The following BLM variants were observed in gnomAD, a reference collection of about 807,000 sequenced individuals.
The protein encoded by BLM is BLM RecQ like helicase, also known as recQ-like DNA helicase BLM.
Under a neutral mutation model 135.3 loss-of-function variants are expected in BLM, and 95 were observed. The ratio of observed to expected loss-of-function variants is 0.70; its 90% CI spans 0.59 to 0.83. The LOEUF is 0.83. Among genes scored for constraint, BLM ranks in the 40% least tolerant of loss-of-function variants. BLM has a pLI of 0.00. For synonymous variants in BLM, 520 were observed against 589.2 expected, an observed-to-expected ratio of 0.88 and a Z score of 1.70; for missense variants, 1,518 against 1,663.9, an observed-to-expected ratio of 0.91 and a Z score of 1.53.
intron 1 of BLM, among the ~76,000 whole-genome samples, chr15:90,721,994 G>A (rs1481116804): frequency 6.7e-6 from 1 of 149,644 alleles, no homozygotes; most frequent in African/African-American, 2.5e-5. Context: ...ACATAATTTC[G>A]CTGGAAACCA....
intron 14 of BLM, among the ~76,000 whole-genome samples, chr15:90,788,699 A>C (rs541013428): frequency 6.6e-6 from 1 of 152,062 alleles, no homozygotes; most frequent in Non-Finnish European, 1.5e-5. Flanking sequence ...AGGGCCAGGC[A>C]TGGTGGTTCA....
rs528659854 is a variant in BLM, at chr15:90,786,309, A to G, written c.2823+1228A>G. ...GATGTGTTTCTACTTCTTGGCTACTATGAATAATGGCTTTGTGAGCATTCA... is the reference window on the plus strand; with the variant it reads ...GATGTGTTTCTACTTCTTGGCTACTGTGAATAATGGCTTTGTGAGCATTCA... On this transcript the variant is annotated intron_variant, in intron 14 of 21. Coordinates refer to ENST00000355112, the MANE Select transcript of BLM (RefSeq NM_000057.4). Among the ~76,000 whole-genome samples the G allele has an allele frequency of 1.3e-4, 20 of 152,252 alleles. 1 individual carries two copies. In the East Asian group the frequency reaches 2.7e-3, roughly 21 times the overall value.
rs754203833 is a variant in BLM, at chr15:90,760,674, C to G, written c.1301C>G (p.Ser434Ter). ...TCATTGTGGAGATACAGGCCTGATTCACTTGATGGCCCTATGGAGGGTGAT... is the reference window on the plus strand; with the variant it reads ...TCATTGTGGAGATACAGGCCTGATTGACTTGATGGCCCTATGGAGGGTGAT... ...LGSLWRYRPD[S>*]LDGPMEGDSC... The change falls in exon 7 of 22, where the codon TCA becomes TGA. Residue 434 changes from serine to a stop codon, truncating the protein, a stop_gained. Coordinates refer to ENST00000355112, the MANE Select transcript of BLM (RefSeq NM_000057.4). LOFTEE classifies it high-confidence loss of function. 6.2e-7 allele frequency: 1 copy of G among 1,613,856 alleles called. No homozygotes were observed. The highest frequency in any genetic ancestry group is 1.3e-5 in the African/African-American group (1 of 74,918).
Position 90,750,034 on chromosome 15 carries a change from G to A in BLM, c.766G>A (p.Asp256Asn), listed in dbSNP as rs1895639550. ...VHINEDAQES[D>N]SLKTHLEDER... is the part of the protein sequence containing the mutation. The stretch of plus-strand genomic sequence containing the variant: ...TATAAATGAAGATGCTCAGGAAAGT[G>A]ACTCTCTGAAAACTCATTTGGAAGA... The change falls in exon 3 of 22, where the codon GAC becomes AAC. Residue 256 changes from aspartate to asparagine, a missense_variant. This residue lies in a region of BLM where 724 missense variants were observed against 756.9 expected (regional missense o/e 0.96). Transcript: ENST00000355112. 6.2e-7 allele frequency: 1 copy of A among 1,614,112 alleles called. No individual in the cohort carries two copies. Among genetic ancestry groups the A allele is most frequent in the Admixed American group, 1.7e-5 (1 of 60,016 alleles).
At chr15:90,793,542 A>G (rs1315360920) in intron 15 of BLM, among the ~76,000 whole-genome samples, 1 of 152,204 alleles carries the variant, frequency 6.6e-6, no homozygotes, top group Non-Finnish European at 1.5e-5. Context: ...CCTGTTTCAC[A>G]TTGATTTTCT....
chr15:90,749,609 C>G lies in BLM; in HGVS notation c.341C>G (p.Thr114Ser). 6.2e-7 allele frequency: 1 copy of G among 1,614,174 alleles called. No homozygotes were observed. Among genetic ancestry groups the G allele is most frequent in the Non-Finnish European group, 8.5e-7 (1 of 1,180,034 alleles). ...SKSLLPDFLQTPKEVVCTTQN... is the reference protein window; with the variant it reads ...SKSLLPDFLQSPKEVVCTTQN... ...TCATTATTGCCAGATTTCTTGCAGA[C>G]TCCGAAGGAAGTTGTATGCACTACC... Residue 114 changes from threonine (T) to serine (S), a missense_variant, in exon 3 of 22, where the codon ACT (threonine) becomes AGT (serine). Thr to Ser is a moderately conservative substitution (Grantham distance 58, BLOSUM62 1). Coordinates refer to ENST00000355112, the MANE Select transcript of BLM (RefSeq NM_000057.4).
At chr15:90,721,309 T>G (rs1023832983) in intron 1 of BLM, among the ~76,000 whole-genome samples, 1 of 152,102 alleles carries the variant, frequency 6.6e-6, no homozygotes, top group African/African-American at 2.4e-5. Context: ...TTATCTGTTA[T>G]TTGTTGCTAA....
At chr15:90,746,024 G>A (rs1163988510) in intron 1 of BLM, among the ~76,000 whole-genome samples, 1 of 152,186 alleles carries the variant, frequency 6.6e-6, no homozygotes, top group Non-Finnish European at 1.5e-5. Context: ...GCTGCAGTGA[G>A]CTGTGATTGA....
intron 13 of BLM, among the ~76,000 whole-genome samples, chr15:90,783,189 T>G (rs1896661678): frequency 6.6e-6 from 1 of 152,220 alleles, no homozygotes; most frequent in Admixed American, 6.5e-5. Context: ...TTTCAATGTC[T>G]TTCCTCAGGC....
intron 1 of BLM, among the ~76,000 whole-genome samples, chr15:90,742,526 T>C (rs1452018388): frequency 6.6e-6 from 1 of 152,202 alleles, no homozygotes; most frequent in African/African-American, 2.4e-5. Flanking sequence ...AACCAGTAAC[T>C]TTAGTGTCAC....
chr15:90,788,471 G>GTTTTTTGTT (rs1896809512), intron 14 of BLM, among the ~76,000 whole-genome samples: 5 of 94,984 alleles, frequency 5.3e-5, no homozygotes, highest in Non-Finnish European at 6.0e-5. Context: ...CCAGTGTTTT[G>GTTTTTTGTT]TTTTTTTTTT....
intron 2 of BLM, 84 bp downstream of exon 2, chr15:90,747,574 C>A: frequency 1.2e-6 from 1 of 867,180 alleles, no homozygotes; most frequent in African/African-American, 1.7e-5. Context: ...TAAACTCCCC[C>A]ATTGTACAGA....
Position 90,809,217 on chromosome 15 carries a change from G to C in BLM, c.3832G>C (p.Val1278Leu). The C allele has an allele frequency of 6.2e-7, 1 of 1,614,216 alleles. No individual in the cohort carries two copies. Among genetic ancestry groups the C allele is most frequent in the Non-Finnish European group, 8.5e-7 (1 of 1,180,030 alleles). The change falls in exon 20 of 22, where the codon GTG becomes CTG. Residue 1278 changes from valine to leucine, a missense_variant. Transcript: ENST00000355112. ...CAAACTGGAAAAATATGGTGCGGAA[G>C]TGATTTCAGTATTACAGAAATACTC... ...EDKLEKYGAE[V>L]ISVLQKYSEW...
intron 13 of BLM, 131 bp from the exon 14 acceptor site, chr15:90,784,790 G>C: frequency 1.1e-6 from 1 of 924,246 alleles, no homozygotes; most frequent in Non-Finnish European, 1.6e-6. Context: ...TCACGTGTGT[G>C]GTCTTCCAGC....
At chr15:90,803,404 G>A in intron 17 of BLM, 117 bp from the exon 18 acceptor site, 1 of 866,396 alleles carries the variant, frequency 1.2e-6, no homozygotes, top group South Asian at 1.5e-5. Flanking sequence ...CTGTGCCGGG[G>A]TTTGTGATCT....
chr15:90,779,976 G>GTGGTAA (rs1896578347), intron 12 of BLM, among the ~76,000 whole-genome samples: 3 of 152,212 alleles, frequency 2.0e-5, no homozygotes, highest in Admixed American at 2.0e-4. Flanking sequence ...ACAGTGCACA[G>GTGGTAA]TGGTAAAATT....
chr15:90,790,277 A>G (rs1896871724), intron 14 of BLM: 2 of 321,894 alleles, frequency 6.2e-6, no homozygotes, highest in Non-Finnish European at 1.2e-5. Context: ...GTGATCACTG[A>G]CCTGGATATC....
Position 90,785,102 on chromosome 15 carries a change from C to T in BLM, c.2823+21C>T, listed in dbSNP as rs1378360857. On this transcript the variant is annotated intron_variant, in intron 14 of 21. Coordinates refer to ENST00000355112, the MANE Select transcript of BLM (RefSeq NM_000057.4). ...GTCAGGTAACATTTTTAAAGATAAA[C>T]AAATAATAGAAATAATCTTTTATAG... The T allele has an allele frequency of 1.9e-6, 3 of 1,607,324 alleles. No homozygotes were observed. In the East Asian group the frequency reaches 6.7e-5, roughly 36 times the overall value.
chr15:90,738,069 A>G (rs897822956), intron 1 of BLM, among the ~76,000 whole-genome samples: 6 of 152,180 alleles, frequency 3.9e-5, no homozygotes, highest in African/African-American at 1.2e-4. Flanking sequence ...GAAATGGATA[A>G]ATTCCTCAAA....
Sources: allele counts gnomAD v4.1 joint callset (sites outside exome capture counted in the v4.1 genomes callset), GRCh38; gene constraint gnomAD v4.1.1; regional missense constraint gnomAD v4.1.1; transcripts MANE v1.5; gene names NCBI Gene and HGNC (gene_info 2026-07-23, HGNC 2026-07-21).